The following SEMA3F variants were observed in gnomAD, a reference collection of about 807,000 sequenced individuals.
SEMA3F encodes the protein semaphorin 3F.
A neutral mutation model predicts 98.5 loss-of-function variants in SEMA3F; 30 were observed. The ratio of observed to expected loss-of-function variants is 0.30; its 90% CI spans 0.23 to 0.41. The LOEUF is 0.41. SEMA3F is among the 10% of genes least tolerant of loss of function. SEMA3F has a pLI of 1.00. For synonymous variants in SEMA3F, 380 were observed against 444.8 expected (o/e 0.85, Z 1.83); for missense variants, 866 against 1,119.3 (o/e 0.77, Z 3.23).
Position 50,159,805 on chromosome 3 carries a change from G to A in SEMA3F, c.112+71G>A, listed in dbSNP as rs542471105. 37 of 1,031,230 alleles carry A rather than the reference G, an allele frequency of 3.6e-5. No homozygotes were observed. In the East Asian group the frequency reaches 4.1e-4, roughly 12 times the overall value. 63.9% of individuals were successfully genotyped at this position (1,031,230 alleles called of 1,614,324 possible). ...AATAGCGCTCGGCTCCTCTGCACAC[G>A]AGAGAAAGGGTGGGTCAGGACAAAA... On this transcript the variant is annotated intron_variant, in intron 2 of 18. Coordinates refer to ENST00000002829, the MANE Select transcript of SEMA3F (RefSeq NM_004186.5).
At chr3:50,180,309 G>T (rs1051942004) in intron 7 of SEMA3F, among the ~76,000 whole-genome samples, 1 of 151,806 alleles carries the variant, frequency 6.6e-6, no homozygotes, top group African/African-American at 2.4e-5. Context: ...GATCATAGGC[G>T]CCCACCACCA....
rs1336612887 is a variant in SEMA3F at position 50,182,851 on chromosome 3, C to A, written c.904-53C>A. 3 of 1,610,986 alleles carry A rather than the reference C, an allele frequency of 1.9e-6. No homozygotes were observed. Among genetic ancestry groups the A allele is most frequent in the East Asian group, 2.2e-5 (1 of 44,862 alleles). On this transcript the variant is annotated intron_variant, in intron 9 of 18. Transcript: ENST00000002829. The surrounding 1 kb of genome is among the most constrained non-coding windows in gnomAD (Gnocchi z 4.5). ...CTGGCTTCATCAGCCCTGCTCCAGC[C>A]AGGGCTTGGGGTCAAGAGCTGATCT...
At position 50,178,492 on chromosome 3, in the gene SEMA3F, G is replaced by A. The variant is rs1480776725; in HGVS notation, c.643+1631G>A. Reference sequence around the variant, plus strand: ...TCCTAGGACTTTGGGAGGCTGAGGCGGGTGGATCACTTGAGGTCAGGAGTT... The same window carrying A: ...TCCTAGGACTTTGGGAGGCTGAGGCAGGTGGATCACTTGAGGTCAGGAGTT... On this transcript the variant is annotated intron_variant, in intron 7 of 18. Transcript: ENST00000002829. 5.3e-5 allele frequency among the ~76,000 whole-genome samples: 8 copies of A among 152,038 alleles called. No homozygotes were observed. The East Asian group carries it at 9.8e-4, about 19-fold the overall frequency.
chr3:50,175,177 G>A lies in SEMA3F; in HGVS notation c.538G>A (p.Ala180Thr), dbSNP rs761147362. Reference sequence around the variant, plus strand: ...TGGTGCCCTCCGCCCGATGCCCACAGCCCCACGCCAGGTGGGCCTCATCCC... The same window carrying A: ...TGGTGCCCTCCGCCCGATGCCCACAACCCCACGCCAGGTGGGCCTCATCCC... ...TDGALRPMPTAPRQDYIFYLE... is the reference protein window; with the variant it reads ...TDGALRPMPTTPRQDYIFYLE... The change falls in exon 6 of 19, where the codon GCC (alanine) becomes ACC (threonine). Residue 180 changes from alanine to threonine, a missense_variant. By Grantham distance (58) the Ala-to-Thr change is moderately conservative. Coordinates refer to ENST00000002829, the MANE Select transcript of SEMA3F (RefSeq NM_004186.5). 1.9e-6 allele frequency: 3 copies of A among 1,596,880 alleles called. No homozygotes were observed. The highest frequency in any genetic ancestry group is 2.3e-5 in the East Asian group (1 of 44,158).
chr3:50,183,993 G>T (rs1464729088), intron 12 of SEMA3F, among the ~76,000 whole-genome samples: 1 of 152,176 alleles, frequency 6.6e-6, no homozygotes, highest in Non-Finnish European at 1.5e-5. Context: ...GCTGATGTGG[G>T]AGCCTAAGCA....
intron 2 of SEMA3F, among the ~76,000 whole-genome samples, chr3:50,168,369 G>A (rs967728707): frequency 6.6e-6 from 1 of 152,138 alleles, no homozygotes; most frequent in African/African-American, 2.4e-5. Context: ...CCCCATGTGG[G>A]ACCTGGGCTT....
At chr3:50,176,712 C>A (rs1161604628) in intron 6 of SEMA3F, 56 bp from the exon 7 acceptor site, 5 of 1,323,648 alleles carry the variant, frequency 3.8e-6, no homozygotes, top group Middle Eastern at 1.8e-4. Context: ...GTGACCCTTA[C>A]ACTTCCTGGC....
intron 6 of SEMA3F, among the ~76,000 whole-genome samples, chr3:50,175,543 G>A (rs1425468409): frequency 6.6e-6 from 1 of 152,232 alleles, no homozygotes; most frequent in Non-Finnish European, 1.5e-5. Flanking sequence ...GTGGAAAGTG[G>A]CACATGAGTG....
chr3:50,182,662 C>T lies in SEMA3F; in HGVS notation c.782C>T (p.Ala261Val), dbSNP rs1699056843. 6.2e-7 allele frequency: 1 copy of T among 1,613,600 alleles called. No homozygotes were observed. Among genetic ancestry groups the T allele is most frequent in the Non-Finnish European group, 8.5e-7 (1 of 1,179,942 alleles). The change falls in exon 9 of 19, where the codon GCT (alanine) becomes GTT (valine). Residue 261 changes from alanine (A) to valine (V), a missense_variant. Physicochemically the swap from Ala to Val is moderately conservative, Grantham distance 64. Transcript: ENST00000002829. The surrounding 1 kb of genome is among the most constrained non-coding windows in gnomAD (Gnocchi z 4.5). ...RWLNDPSFIH[A>V]ELIPDSAERN... is the part of the protein sequence containing the mutation. ...CCTGCAGACCCGTCGTTCATCCATG[C>T]TGAGCTCATTCCTGACAGTGCGGAG... is the stretch of plus-strand genomic sequence containing the variant.
intron 6 of SEMA3F, among the ~76,000 whole-genome samples, chr3:50,175,753 A>G (rs1038954749): frequency 7.9e-5 from 12 of 151,952 alleles, no homozygotes; most frequent in Non-Finnish European, 1.6e-4. Flanking sequence ...CCGGTGAATG[A>G]CAGAGCATGT....
intron 2 of SEMA3F, among the ~76,000 whole-genome samples, chr3:50,163,204 T>C (rs1039847752): frequency 1.3e-5 from 2 of 152,186 alleles, no homozygotes; most frequent in East Asian, 1.9e-4. Context: ...CCTAGCCTCG[T>C]TTCCCAAAGA....
intron 2 of SEMA3F, among the ~76,000 whole-genome samples, chr3:50,169,788 C>A (rs1698534436): frequency 6.6e-6 from 1 of 152,178 alleles, no homozygotes; most frequent in African/African-American, 2.4e-5. Flanking sequence ...TCAGCCCTGG[C>A]CCCCACTGAT....
rs1296880319 is a variant in SEMA3F, at chr3:50,182,265, C to T, written c.644-19C>T. The T allele has an allele frequency of 4.3e-6, 7 of 1,614,058 alleles. No individual in the cohort carries two copies. The highest frequency in any genetic ancestry group is 5.9e-6 in the Non-Finnish European group (7 of 1,180,006). ...TAGCAAACAGCAGCCCCCCAACTGA[C>T]CCACTGGCCTACCCACAGATGAGGA... On this transcript the variant is annotated intron_variant, in intron 7 of 18. Coordinates refer to ENST00000002829, the MANE Select transcript of SEMA3F (RefSeq NM_004186.5). The surrounding 1 kb of genome is among the most constrained non-coding windows in gnomAD (Gnocchi z 4.5).
intron 12 of SEMA3F, chr3:50,184,303 A>C: frequency 2.1e-6 from 1 of 473,282 alleles, no homozygotes; most frequent in Non-Finnish European, 3.9e-6. Context: ...AGGAGATGAC[A>C]GGGGTGGGGA....
intron 2 of SEMA3F, among the ~76,000 whole-genome samples, chr3:50,171,394 TG>T (rs1698596646): frequency 6.6e-6 from 1 of 152,126 alleles, no homozygotes; most frequent in Admixed American, 6.5e-5. Flanking sequence ...TGCGCAGGGT[TG>T]GAGCTTGGGG....
chr3:50,159,702 C>G lies in SEMA3F; in HGVS notation c.80C>G (p.Pro27Arg). 1 of 1,612,536 alleles carries G rather than the reference C, an allele frequency of 6.2e-7. No individual in the cohort carries two copies. Among genetic ancestry groups the G allele is most frequent in the Non-Finnish European group, 8.5e-7 (1 of 1,179,310 alleles). Residue 27 changes from proline (P) to arginine (R), a missense_variant, in exon 2 of 19, where the codon CCG becomes CGG. Pro to Arg is a moderately radical substitution (Grantham distance 103). Transcript: ENST00000002829. ...WPSFPTQDHLPATPRVRLSFK... is the reference protein window; with the variant it reads ...WPSFPTQDHLRATPRVRLSFK... ...TCCTTCCCCACCCAGGACCACCTCC[C>G]GGCCACGCCCCGGGTCCGGCTCTCA...
At chr3:50,179,411 T>G (rs976049587) in intron 7 of SEMA3F, among the ~76,000 whole-genome samples, 24 of 151,336 alleles carry the variant, frequency 1.6e-4, no homozygotes, top group Admixed American at 1.6e-3. Context: ...CCACAACCCC[T>G]GCCTCCTGGG....
intron 18 of SEMA3F, among the ~76,000 whole-genome samples, chr3:50,187,422 CAA>C (rs901489365): frequency 5.1e-4 from 30 of 58,910 alleles, no homozygotes; most frequent in African/African-American, 9.6e-4. Flanking sequence ...GACCTTGTCT[CAA>C]AAAAAAAAAA....
In SEMA3F at chr3:50,188,401, A is replaced by T. The variant is rs1699322864; in HGVS notation, c.*286A>T. ...CACACAGTCCCCAGACTCAGCTGGA[A>T]GTCTACCTGCTGGACAGCCTCCGCC... On this transcript the variant is annotated 3_prime_UTR_variant, in exon 19 of 19. Transcript: ENST00000002829. The surrounding 1 kb of genome is among the most constrained non-coding windows in gnomAD (Gnocchi z 4.5). 6.4e-6 allele frequency: 1 copy of T among 155,252 alleles called. No individual in the cohort carries two copies. The highest frequency in any genetic ancestry group is 2.1e-4 in the South Asian group (1 of 4,854). The allele number at this position is 155,252 out of a possible 1,614,324, so 9.6% of individuals were successfully genotyped here.
Sources: allele counts gnomAD v4.1 joint callset (sites outside exome capture counted in the v4.1 genomes callset), GRCh38; gene constraint gnomAD v4.1.1; non-coding constraint Gnocchi (gnomAD v3.1); transcripts MANE v1.5; gene names NCBI Gene and HGNC (gene_info 2026-07-23, HGNC 2026-07-21).